The following IFT43 variants were observed in gnomAD, a reference collection of about 807,000 sequenced individuals.
The protein encoded by IFT43 is intraflagellar transport 43.
IFT43 carries 33 observed loss-of-function variants against 32.3 expected under a neutral mutation model. The observed-to-expected ratio is 1.02, with a 90% CI of 0.77 to 1.37. IFT43 has a LOEUF of 1.37. IFT43 is among the 40% of genes most tolerant of loss of function. IFT43 has a pLI of 0.00. For missense variants in IFT43, 274 were observed against 265.9 expected (o/e 1.03, Z -0.21); for synonymous variants, 93 against 98.2 (o/e 0.95, Z 0.31).
At chr14:75,992,733 G>A (rs888990831) in intron 2 of IFT43, among the ~76,000 whole-genome samples, 1 of 152,050 alleles carries the variant, frequency 6.6e-6, no homozygotes, top group Non-Finnish European at 1.5e-5. Flanking sequence ...TAGAGACGAA[G>A]ACTTGTTATG....
chr14:76,004,988 G>A (rs139665352), intron 2 of IFT43, among the ~76,000 whole-genome samples: 164 of 151,984 alleles, frequency 1.1e-3, no homozygotes, highest in African/African-American at 3.7e-3. Context: ...ATAAGTCCTT[G>A]AACATATAGC....
At chr14:75,988,049 TTACCACC>T (rs1274059729) in intron 1 of IFT43, among the ~76,000 whole-genome samples, 1 of 152,228 alleles carries the variant, frequency 6.6e-6, no homozygotes, top group Non-Finnish European at 1.5e-5. Flanking sequence ...ATGGGAGCAT[TTACCACC>T]TTCTTCTCTG....
At chr14:76,023,996 CT>C (rs1456257297) in intron 3 of IFT43, among the ~76,000 whole-genome samples, 1 of 152,200 alleles carries the variant, frequency 6.6e-6, no homozygotes, top group Admixed American at 6.5e-5. Context: ...CTTCATTCCT[CT>C]TTTCTGCTTA....
chr14:76,066,060 T>A (rs1423960314), intron 5 of IFT43, among the ~76,000 whole-genome samples: 1 of 152,238 alleles, frequency 6.6e-6, no homozygotes, highest in Non-Finnish European at 1.5e-5. Context: ...CTCTAACAAA[T>A]GGTACAACTC....
chr14:76,056,215 C>A (rs1484495845), intron 3 of IFT43, among the ~76,000 whole-genome samples: 1 of 152,330 alleles, frequency 6.6e-6, no homozygotes, highest in African/African-American at 2.4e-5. Flanking sequence ...ACTCAGTGCG[C>A]TCCCAGAACC....
rs377567547 is a variant in IFT43 at position 76,083,647 on chromosome 14, C to A, written c.*70C>A. On this transcript the variant is annotated 3_prime_UTR_variant, in exon 9 of 9. Transcript: ENST00000314067. ...AAGCTAAAGAAGCTTGTAAGCAGCT[C>A]CGAATTTTTACCTGGAATATTTTGT... The A allele has an allele frequency of 6.8e-7, 1 of 1,461,480 alleles. No homozygotes were observed. The highest frequency in any genetic ancestry group is 1.1e-5 in the South Asian group (1 of 87,394). The allele number at this position is 1,461,480 out of a possible 1,614,324, so 90.5% of individuals were successfully genotyped here. A position where few individuals can be genotyped will look rare whatever the true frequency, so the allele number is the denominator to read the frequency against.
At chr14:76,041,591 A>G (rs992847428) in intron 3 of IFT43, among the ~76,000 whole-genome samples, 10 of 152,220 alleles carry the variant, frequency 6.6e-5, no homozygotes, top group Non-Finnish European at 1.5e-4. Context: ...GCAAACTGGT[A>G]GCTCTTTAAT....
At chr14:75,989,176 G>A (rs189632580) in intron 2 of IFT43, among the ~76,000 whole-genome samples, 199 bp downstream of exon 2, 7 of 152,298 alleles carry the variant, frequency 4.6e-5, no homozygotes, top group Admixed American at 3.9e-4. Flanking sequence ...TGCCAGACTA[G>A]TTTCTGTGCA....
intron 5 of IFT43, among the ~76,000 whole-genome samples, chr14:76,068,104 A>G (rs2037257503): frequency 6.6e-6 from 1 of 152,220 alleles, no homozygotes; most frequent in Admixed American, 6.5e-5. Context: ...GCAAATGGTC[A>G]TTCCTGTGTT....
chr14:76,048,965 G>A (rs1302794214), intron 3 of IFT43, among the ~76,000 whole-genome samples: 5 of 152,098 alleles, frequency 3.3e-5, no homozygotes, highest in Non-Finnish European at 5.9e-5. Context: ...ATGGGGTTTC[G>A]GGGAAATCAC....
chr14:76,009,816 A>G (rs1653686161), intron 2 of IFT43, among the ~76,000 whole-genome samples: 2 of 147,784 alleles, frequency 1.4e-5, no homozygotes, highest in African/African-American at 2.6e-5. Context: ...TTTTTTTGAG[A>G]CAGAGTCTTG....
chr14:75,993,085 T>C (rs60351463), intron 2 of IFT43, among the ~76,000 whole-genome samples: 2,995 of 152,268 alleles, frequency 0.02, 91 homozygotes, highest in African/African-American at 0.064. Context: ...ACCCTTAACT[T>C]AGTCTGACAC....
At chr14:76,008,202 A>C (rs1177441495) in intron 2 of IFT43, among the ~76,000 whole-genome samples, 1 of 152,118 alleles carries the variant, frequency 6.6e-6, no homozygotes, top group South Asian at 2.1e-4. Flanking sequence ...TTTCAAGGAT[A>C]TCTCTCTCTT....
At chr14:76,042,002 G>A (rs915513034) in intron 3 of IFT43, among the ~76,000 whole-genome samples, 15 of 152,038 alleles carry the variant, frequency 9.9e-5, no homozygotes, top group Non-Finnish European at 1.9e-4. Context: ...TAGGAAATTT[G>A]CACCTTCATC....
At position 76,041,834 on chromosome 14, in the gene IFT43, G is replaced by A. The variant is rs80065210; in HGVS notation, c.216-16808G>A. Among the ~76,000 whole-genome samples, 1,001 of 152,232 alleles carry A rather than the reference G, an allele frequency of 6.6e-3. 5 individuals are homozygous for A. The highest frequency in any genetic ancestry group is 0.012 in the Non-Finnish European group (810 of 68,018). Reference sequence around the variant, plus strand: ...ATCTTTGCAGTAAGTACATCCTAGAGATGTTTTAGTACACGTAGATTTACT... The same window carrying A: ...ATCTTTGCAGTAAGTACATCCTAGAAATGTTTTAGTACACGTAGATTTACT... On this transcript the variant is annotated intron_variant, in intron 3 of 8. Coordinates refer to ENST00000314067, the MANE Select transcript of IFT43 (RefSeq NM_001102564.3).
chr14:76,009,716 A>G (rs1232927951), intron 2 of IFT43, among the ~76,000 whole-genome samples: 2 of 152,204 alleles, frequency 1.3e-5, no homozygotes, highest in Non-Finnish European at 2.9e-5. Context: ...TCTAGCATGA[A>G]GAAGAACCCA....
chr14:76,047,732 CCTT>C (rs2036836125), intron 3 of IFT43, among the ~76,000 whole-genome samples: 1 of 150,984 alleles, frequency 6.6e-6, no homozygotes, highest in African/African-American at 2.4e-5. Flanking sequence ...TTCCCTCCCT[CCTT>C]TTTTTTTTTT....
At chr14:76,001,659 G>T (rs2035888210) in intron 2 of IFT43, among the ~76,000 whole-genome samples, 1 of 152,210 alleles carries the variant, frequency 6.6e-6, no homozygotes, top group African/African-American at 2.4e-5. Flanking sequence ...GGGTGTCTTG[G>T]TCTGTTTTAT....
intron 5 of IFT43, among the ~76,000 whole-genome samples, chr14:76,069,296 T>G (rs2037278830): frequency 6.6e-6 from 1 of 152,044 alleles, no homozygotes; most frequent in South Asian, 2.1e-4. Flanking sequence ...TGATTTGGAC[T>G]GGGGGATGAG....
Sources: allele counts gnomAD v4.1 joint callset (sites outside exome capture counted in the v4.1 genomes callset), GRCh38; gene constraint gnomAD v4.1.1; transcripts MANE v1.5; gene names NCBI Gene and HGNC (gene_info 2026-07-23, HGNC 2026-07-21).